TAF1B: variants seen among roughly 807,000 people sequenced by gnomAD.
TAF1B encodes the protein TATA-box binding protein associated factor, RNA polymerase I subunit B.
TAF1B carries 61 observed loss-of-function variants against 83.9 expected under a neutral mutation model. That is an observed-to-expected ratio of 0.73 (90% confidence interval 0.59 to 0.90). The LOEUF (loss-of-function observed/expected upper bound fraction) is 0.90. Ranked by LOEUF, TAF1B falls within the 40% of genes least tolerant of loss-of-function variation. The pLI is 0.00. For synonymous variants in TAF1B, 221 were observed against 224.6 expected, an observed-to-expected ratio of 0.98 and a Z score of 0.14; for missense variants, 625 against 677.0, an observed-to-expected ratio of 0.92 and a Z score of 0.85.
intron 14 of TAF1B, among the ~76,000 whole-genome samples, chr2:9,921,674 A>G (rs1665884574): frequency 6.6e-6 from 1 of 152,224 alleles, no homozygotes; most frequent in Admixed American, 6.5e-5. Flanking sequence ...AGAGAGGAGT[A>G]TATGGATTAA....
chr2:9,893,038 T>A (rs1270977044), intron 8 of TAF1B, among the ~76,000 whole-genome samples: 4 of 152,242 alleles, frequency 2.6e-5, no homozygotes, highest in South Asian at 2.1e-4. Flanking sequence ...AAATTACATC[T>A]TGGTAGCAAC....
chr2:9,911,393 T>G (rs1665528258), intron 10 of TAF1B, 118 bp from the exon 11 acceptor site: 1 of 750,030 alleles, frequency 1.3e-6, no homozygotes. Flanking sequence ...TGCTTCTCCA[T>G]TAAAACATGG....
intron 8 of TAF1B, among the ~76,000 whole-genome samples, chr2:9,904,470 A>G (rs1665282761): frequency 6.6e-6 from 1 of 152,206 alleles, no homozygotes; most frequent in South Asian, 2.1e-4. Flanking sequence ...TCCATGGTGT[A>G]TATAGACGAC....
Position 9,843,474 on chromosome 2 carries a change from C to A in TAF1B, c.-68C>A. On this transcript the variant is annotated 5_prime_UTR_variant, in exon 1 of 15. Transcript: ENST00000263663. ...GTTTCCGGCCGGAAGCTTCTCCAGC[C>A]TTTCCCGGAAGCTGCGCTCGCTACC... 1 of 1,514,186 alleles carries A rather than the reference C, an allele frequency of 6.6e-7. No homozygotes were observed. The highest frequency in any genetic ancestry group is 8.9e-7 in the Non-Finnish European group (1 of 1,124,566). The allele number at this position is 1,514,186 out of a possible 1,614,324, so 93.8% of individuals were successfully genotyped here. A position where few individuals can be genotyped will look rare whatever the true frequency, so the allele number is the denominator to read the frequency against.
rs562048077 is a variant in TAF1B at position 9,883,646 on chromosome 2, G to A, written c.807+841G>A. On this transcript the variant is annotated intron_variant, in intron 8 of 14. Coordinates refer to ENST00000263663, the MANE Select transcript of TAF1B (RefSeq NM_005680.3). ...ATTTCATGTTATCTTTGAAATTAAT[G>A]TAGGAGAACTGCTTGCAAATCCATT... 7.2e-5 allele frequency among the ~76,000 whole-genome samples: 11 copies of A among 152,314 alleles called. No individual in the cohort carries two copies. In the East Asian group the frequency reaches 2.1e-3, roughly 29 times the overall value.
chr2:9,872,881 A>G (rs1664211958), intron 6 of TAF1B, among the ~76,000 whole-genome samples: 1 of 152,208 alleles, frequency 6.6e-6, no homozygotes, highest in African/African-American at 2.4e-5. Flanking sequence ...CAGTTCCATT[A>G]CGTTCTCAGG....
At chr2:9,877,372 T>C (rs1428114133) in intron 7 of TAF1B, among the ~76,000 whole-genome samples, 1 of 152,208 alleles carries the variant, frequency 6.6e-6, no homozygotes, top group Non-Finnish European at 1.5e-5. Context: ...TCTTAGTAAA[T>C]GCCATCCACC....
intron 5 of TAF1B, among the ~76,000 whole-genome samples, chr2:9,865,428 A>G (rs940363366): frequency 3.9e-5 from 6 of 152,218 alleles, no homozygotes; most frequent in Non-Finnish European, 5.9e-5. Flanking sequence ...CCACTGCTCA[A>G]TGAAATAAAA....
Position 9,919,560 on chromosome 2 carries a change from T to G in TAF1B, c.1343-38T>G, listed in dbSNP as rs1474248057. On this transcript the variant is annotated intron_variant, in intron 13 of 14. Coordinates refer to ENST00000263663, the MANE Select transcript of TAF1B (RefSeq NM_005680.3). The stretch of plus-strand genomic sequence containing the variant: ...CCAGGCTTTATTTGTGATTTAACAT[T>G]ACTTGTTATTTTGTTTCCTTTTTTT... 2.6e-6 allele frequency: 4 copies of G among 1,539,512 alleles called. No individual in the cohort carries two copies. In the African/African-American group the frequency reaches 4.1e-5, roughly 16 times the overall value.
Position 9,933,778 on chromosome 2 carries a change from T to G in TAF1B, c.1566-5T>G, listed in dbSNP as rs1666291154. The G allele has an allele frequency of 8.7e-6, 14 of 1,601,548 alleles. No individual in the cohort carries two copies. Among genetic ancestry groups the G allele is most frequent in the Non-Finnish European group, 1.1e-5 (13 of 1,175,330 alleles). On this transcript the variant is annotated splice_region_variant and splice_polypyrimidine_tract_variant and intron_variant, in intron 14 of 14. Coordinates refer to ENST00000263663, the MANE Select transcript of TAF1B (RefSeq NM_005680.3). ...GATAAATTCTTTTTTCTTTTTCCCT[T>G]CTAGCTATTGTACACATGTGACAAC...
chr2:9,883,834 C>T (rs1048826495), intron 8 of TAF1B, among the ~76,000 whole-genome samples: 1 of 152,200 alleles, frequency 6.6e-6, no homozygotes, highest in Non-Finnish European at 1.5e-5. Context: ...AAATAATTCT[C>T]TTTGTAGTTA....
intron 8 of TAF1B, among the ~76,000 whole-genome samples, chr2:9,900,336 C>G (rs1357854976): frequency 6.6e-6 from 1 of 152,142 alleles, no homozygotes; most frequent in Non-Finnish European, 1.5e-5. Context: ...GAGTTCAAGA[C>G]CAGCCTGGGC....
At chr2:9,898,704 T>TA (rs1336701881) in intron 8 of TAF1B, among the ~76,000 whole-genome samples, 1 of 152,212 alleles carries the variant, frequency 6.6e-6, no homozygotes, top group Non-Finnish European at 1.5e-5. Context: ...ATCTTGGTGT[T>TA]ACATTTTTAA....
At chr2:9,925,766 G>A (rs62127468) in intron 14 of TAF1B, among the ~76,000 whole-genome samples, 77,346 of 151,412 alleles carry the variant, frequency 0.51, 22,809 homozygotes, top group Non-Finnish European at 0.68. Context: ...TAGTAGAGAC[G>A]GGGTTTCATC....
chr2:9,908,389 C>T (rs1336402619), intron 9 of TAF1B, among the ~76,000 whole-genome samples: 2 of 152,048 alleles, frequency 1.3e-5, no homozygotes, highest in African/African-American at 4.8e-5. Context: ...CAAGAAATGT[C>T]ATTTTTTTAG....
At chr2:9,880,426 CTTT>C (rs6146620) in intron 7 of TAF1B, among the ~76,000 whole-genome samples, 11 of 75,034 alleles carry the variant, frequency 1.5e-4, no homozygotes, top group African/African-American at 4.8e-4. Flanking sequence ...GAGTAAGCAG[CTTT>C]TTTTTTTTTT....
chr2:9,904,444 T>C (rs1394931437), intron 8 of TAF1B, among the ~76,000 whole-genome samples: 1 of 152,214 alleles, frequency 6.6e-6, no homozygotes, highest in Non-Finnish European at 1.5e-5. Flanking sequence ...ATCTTGTTCT[T>C]AGGGCTGTGT....
chr2:9,857,482 A>G (rs1431196689), intron 5 of TAF1B, among the ~76,000 whole-genome samples: 2 of 152,212 alleles, frequency 1.3e-5, no homozygotes, highest in Admixed American at 1.3e-4. Context: ...AAGAGTTGCC[A>G]TCAGCTGAAG....
At chr2:9,919,218 C>A in intron 13 of TAF1B, 107 bp downstream of exon 13, 1 of 910,496 alleles carries the variant, frequency 1.1e-6, no homozygotes, top group African/African-American at 1.7e-5. Context: ...TTTTTTTAAA[C>A]AAATGTTCCA....
Sources: gnomAD v4.1 joint callset for allele counts (sites outside exome capture counted in the v4.1 genomes callset) on GRCh38, gnomAD v4.1.1 for gene constraint, MANE v1.5 for transcripts, NCBI Gene and HGNC (gene_info 2026-07-23, HGNC 2026-07-21) for gene names.